Variants in PLXNA2 observed in about 807,000 individuals in gnomAD.
PLXNA2 encodes the protein plexin A2, also known as plexin-A2.
Under a neutral mutation model 193.5 loss-of-function variants are expected in PLXNA2, and 91 were observed. The observed-to-expected ratio is 0.47, with a 90% CI of 0.40 to 0.56. PLXNA2 has a LOEUF of 0.56. Among genes scored for constraint, PLXNA2 ranks in the 20% least tolerant of loss-of-function variants. The probability of loss-of-function intolerance (pLI) is 0.00; values close to 1 mark genes in which losing one functional copy is unlikely to be tolerated. For missense variants in PLXNA2, 1,995 were observed against 2,503.2 expected (o/e 0.80, Z 4.33); for synonymous variants, 997 against 1,027.3 (o/e 0.97, Z 0.56).
intron 13 of PLXNA2, 29 bp from the exon 14 acceptor site, chr1:208,054,567 G>A (rs780269158): frequency 1.3e-6 from 2 of 1,517,330 alleles, no homozygotes; most frequent in Non-Finnish European, 1.8e-6. Context: ...TTCTGGTGAG[G>A]GACTGGGCAA....
At position 208,238,228 on chromosome 1, in the gene PLXNA2, G is replaced by C. The variant is rs12035106; in HGVS notation, c.-81+5415C>G. 1.7e-4 allele frequency among the ~76,000 whole-genome samples: 26 copies of C among 152,272 alleles called. No homozygotes were observed. In the East Asian group the frequency reaches 5.0e-3, roughly 29 times the overall value. ...GGCTCATTCACCAGCTCTTCACTCG[G>C]AGCCCTGGGATCCCTCCTCCTCTTC... On this transcript the variant is annotated intron_variant, in intron 1 of 31. Transcript: ENST00000367033.
intron 3 of PLXNA2, among the ~76,000 whole-genome samples, chr1:208,173,506 G>A (rs1206963244): frequency 2.0e-5 from 3 of 152,222 alleles, no homozygotes; most frequent in African/African-American, 7.2e-5. Context: ...GAGAATCTAA[G>A]TGAAGTTCTC....
In PLXNA2 at chr1:208,038,939, G is replaced by T. The variant is rs773813078; in HGVS notation, c.4546C>A (p.Pro1516Thr). The T allele has an allele frequency of 1.2e-6, 2 of 1,614,042 alleles. No individual in the cohort carries two copies. Among genetic ancestry groups the T allele is most frequent in the South Asian group, 2.2e-5 (2 of 91,074 alleles). Residue 1516 changes from proline to threonine, a missense_variant, in exon 25 of 32, where the codon CCA becomes ACA. This residue lies in a region of PLXNA2 where 1,291 missense variants were observed against 1,673.6 expected (regional missense o/e 0.77). Coordinates refer to ENST00000367033, the MANE Select transcript of PLXNA2 (RefSeq NM_025179.4). The surrounding 1 kb of genome is among the most constrained non-coding windows in gnomAD (Gnocchi z 4.1). ...NPDNENSPEIPVKVLNCDTIT... is the reference protein window; with the variant it reads ...NPDNENSPEITVKVLNCDTIT... ...GTGTCACAGTTTAACACCTTCACTG[G>T]GATCTCTGGACTGTTCTCGTTGTCA...
chr1:208,072,604 T>C (rs1291973291), intron 12 of PLXNA2, among the ~76,000 whole-genome samples: 4 of 152,142 alleles, frequency 2.6e-5, no homozygotes, highest in Non-Finnish European at 4.4e-5. Context: ...GGCCATCTCA[T>C]TGGTGGGCAT....
At chr1:208,166,256 G>A (rs11118997) in intron 3 of PLXNA2, among the ~76,000 whole-genome samples, 66,315 of 152,066 alleles carry the variant, frequency 0.44, 15,583 homozygotes, top group Admixed American at 0.58. Context: ...CCTTCTCTCC[G>A]AGAGATTTCT....
intron 3 of PLXNA2, among the ~76,000 whole-genome samples, chr1:208,143,786 A>T (rs1668527830): frequency 1.3e-5 from 2 of 151,940 alleles, no homozygotes; most frequent in South Asian, 4.2e-4. Flanking sequence ...TTCATTGTAT[A>T]TATACTAGCT....
chr1:208,040,088 T>C (rs1664818088), intron 22 of PLXNA2, 30 bp from the exon 23 acceptor site: 1 of 1,589,948 alleles, frequency 6.3e-7, no homozygotes, highest in African/African-American at 1.3e-5. Flanking sequence ...TAAGGGGCAG[T>C]CCTTCACAGA....
At chr1:208,035,176 G>GAA (rs113384151) in intron 26 of PLXNA2, among the ~76,000 whole-genome samples, 4 of 143,182 alleles carry the variant, frequency 2.8e-5, no homozygotes, top group African/African-American at 7.6e-5. Context: ...TTTTACAGAT[G>GAA]AAAAAAAAAA....
rs183699391 is a variant in PLXNA2 at position 208,228,731 on chromosome 1, T to A, written c.-80-10729A>T. ...CACTGCCCACCTCTCCCAGAGTGAC[T>A]CCTCTCCCAACAAACTGGTTGGTCT... On this transcript the variant is annotated intron_variant, in intron 1 of 31. Coordinates refer to ENST00000367033, the MANE Select transcript of PLXNA2 (RefSeq NM_025179.4). Among the ~76,000 whole-genome samples the A allele has an allele frequency of 8.7e-4, 132 of 152,200 alleles. 2 individuals are homozygous for A. Among genetic ancestry groups the A allele is most frequent in the Non-Finnish European group, 6.9e-4 (47 of 68,018 alleles).
intron 9 of PLXNA2, 50 bp downstream of exon 9, chr1:208,092,736 C>T (rs1432257445): frequency 1.5e-6 from 2 of 1,293,096 alleles, no homozygotes; most frequent in African/African-American, 1.5e-5. Context: ...GAGGGAGGGG[C>T]CACTCAGACT....
chr1:208,029,478 G>A (rs962798779), intron 29 of PLXNA2: 11 of 1,012,276 alleles, frequency 1.1e-5, no homozygotes, highest in African/African-American at 5.2e-5. Context: ...GCTCAGCCTC[G>A]GAGCAGGCAC....
At chr1:208,213,668 G>C (rs1671034519) in intron 2 of PLXNA2, among the ~76,000 whole-genome samples, 1 of 152,150 alleles carries the variant, frequency 6.6e-6, no homozygotes, top group Non-Finnish European at 1.5e-5. Context: ...ATCAAGCTCT[G>C]GGACCACAGC....
chr1:208,220,760 C>G (rs1671304363), intron 1 of PLXNA2, among the ~76,000 whole-genome samples: 1 of 152,102 alleles, frequency 6.6e-6, no homozygotes, highest in Non-Finnish European at 1.5e-5. Context: ...TCTTTGAAGA[C>G]TCCACAGGAG....
intron 14 of PLXNA2, 103 bp from the exon 15 acceptor site, chr1:208,052,566 G>A: frequency 1.8e-6 from 2 of 1,129,714 alleles, no homozygotes; most frequent in Non-Finnish European, 2.6e-6. Flanking sequence ...TTCTGGGCGT[G>A]GTGGTACTTG....
Position 208,027,388 on chromosome 1 carries a change from A to T in PLXNA2, c.5590-50T>A, listed in dbSNP as rs755004495. On this transcript the variant is annotated intron_variant, in intron 31 of 31. Coordinates refer to ENST00000367033, the MANE Select transcript of PLXNA2 (RefSeq NM_025179.4). ...AAGACTTCAGGACTCAGAATAGAAG[A>T]CACCATTTTCTGGAGTCGTTCCCTC... 7.3e-6 allele frequency: 11 copies of T among 1,509,698 alleles called. 1 individual carries two copies. The South Asian group carries it at 1.0e-4, about 14-fold the overall frequency. The allele number at this position is 1,509,698 out of a possible 1,614,324, so 93.5% of individuals were successfully genotyped here. A position where few individuals can be genotyped will look rare whatever the true frequency, so the allele number is the denominator to read the frequency against.
At chr1:208,193,683 T>TA (rs1670256999) in intron 3 of PLXNA2, among the ~76,000 whole-genome samples, 1 of 152,106 alleles carries the variant, frequency 6.6e-6, no homozygotes, top group Non-Finnish European at 1.5e-5. Context: ...CCAGGGAGGA[T>TA]AATAAAGATC....
At position 208,082,460 on chromosome 1, in the gene PLXNA2, C is replaced by T; in HGVS notation, c.2347G>A (p.Val783Met). 1 of 1,614,166 alleles carries T rather than the reference C, an allele frequency of 6.2e-7. No homozygotes were observed. Among genetic ancestry groups the T allele is most frequent in the Non-Finnish European group, 8.5e-7 (1 of 1,180,012 alleles). ...DISNLAVDFA[V>M]VWNGNFIIDN... ...ATGATGAAATTGCCGTTCCACACCA[C>T]AGCGAAATCCACGGCCAGATTGCTG... The change falls in exon 11 of 32, where the codon GTG (valine) becomes ATG (methionine). Residue 783 changes from valine (V) to methionine (M), a missense_variant. Physicochemically the swap from Val to Met is conservative, Grantham distance 21 (BLOSUM62 1). Around this residue, in one of 3 missense-constraint regions of PLXNA2, gnomAD observed 1,291 missense variants for 1,673.6 expected, o/e 0.77. Transcript: ENST00000367033. This position sits in a 1 kb window ranked among gnomAD's most constrained non-coding sequence, Gnocchi z 4.2.
chr1:208,229,625 TG>T (rs755877194), intron 1 of PLXNA2, among the ~76,000 whole-genome samples: 2 of 152,126 alleles, frequency 1.3e-5, no homozygotes, highest in Non-Finnish European at 2.9e-5. Context: ...TTGAACCCAC[TG>T]GGTGAGGCTA....
intron 2 of PLXNA2, among the ~76,000 whole-genome samples, chr1:208,215,136 C>T (rs1671084053): frequency 6.6e-6 from 1 of 152,126 alleles, no homozygotes; most frequent in Non-Finnish European, 1.5e-5. Context: ...GCTGGTACTA[C>T]AGGTGTGCAT....
Sources: gnomAD v4.1 joint callset for allele counts (sites outside exome capture counted in the v4.1 genomes callset) on GRCh38, gnomAD v4.1.1 for gene constraint, gnomAD v4.1.1 regional missense constraint, Gnocchi (gnomAD v3.1) non-coding constraint, MANE v1.5 for transcripts, NCBI Gene and HGNC (gene_info 2026-07-23, HGNC 2026-07-21) for gene names.